STYXL2: variants seen among roughly 807,000 people sequenced by gnomAD.
STYXL2 encodes the protein serine/threonine/tyrosine interacting like 2.
In STYXL2, 44 loss-of-function variants were observed where a neutral mutation model predicts 52.4. That is an observed-to-expected ratio of 0.84 (90% CI 0.66 to 1.08). The LOEUF is 1.08. Ranked by LOEUF, STYXL2 falls within the 50% of genes least tolerant of loss-of-function variation. STYXL2 has a pLI of 0.00. For missense variants in STYXL2, 1,604 were observed against 1,471.7 expected (o/e 1.09, Z -1.47); for synonymous variants, 604 against 586.9 (o/e 1.03, Z -0.42).
chr1:167,112,894 G>A (rs1667647419), intron 2 of STYXL2, among the ~76,000 whole-genome samples: 2 of 152,082 alleles, frequency 1.3e-5, no homozygotes, highest in South Asian at 4.1e-4. Context: ...AAAAGAAAAT[G>A]ACCCAAAGCT....
At position 167,126,736 on chromosome 1, in the gene STYXL2, C is replaced by A. The variant is rs755946684; in HGVS notation, c.1605C>A (p.Ser535Arg). Residue 535 changes from serine to arginine, a missense_variant, in exon 6 of 6, where the codon AGC (serine) becomes AGA (arginine). Ser to Arg is a moderately radical substitution (Grantham distance 110). Coordinates refer to ENST00000361200, the MANE Select transcript of STYXL2 (RefSeq NM_001080426.3). ...SEASSFYNFCSRNKDKLTALE... is the reference protein window; with the variant it reads ...SEASSFYNFCRRNKDKLTALE... Reference sequence around the variant, plus strand: ...CCAGTTCCTTCTACAACTTCTGCAGCAGGAACAAGGACAAGCTCACTGCCC... The same window carrying A: ...CCAGTTCCTTCTACAACTTCTGCAGAAGGAACAAGGACAAGCTCACTGCCC... The A allele has an allele frequency of 6.2e-7, 1 of 1,614,160 alleles. No homozygotes were observed. The highest frequency in any genetic ancestry group is 8.5e-7 in the Non-Finnish European group (1 of 1,180,048).
chr1:167,105,969 C>T (rs1030425565), intron 2 of STYXL2, among the ~76,000 whole-genome samples: 2 of 152,178 alleles, frequency 1.3e-5, no homozygotes, highest in Non-Finnish European at 2.9e-5. Context: ...AGGCTCTTCA[C>T]GTATGATTTC....
At position 167,127,733 on chromosome 1, in the gene STYXL2, C is replaced by T. The variant is rs753485339; in HGVS notation, c.2602C>T (p.Leu868Phe). ...GGCCTCAGACAACAAACGCAGCTCC[C>T]TCTTCAAGAAGAAGAAGGTCAAGGA... Reference protein sequence around the residue: ...KLASDNKRSSLFKKKKVKEDE... With the variant: ...KLASDNKRSSFFKKKKVKEDE... The change falls in exon 6 of 6, where the codon CTC becomes TTC. Residue 868 changes from leucine (L) to phenylalanine (F), a missense_variant. Leu to Phe is a conservative substitution (Grantham distance 22, BLOSUM62 0). Transcript: ENST00000361200. 6.2e-7 allele frequency: 1 copy of T among 1,613,950 alleles called. No homozygotes were observed. The highest frequency in any genetic ancestry group is 1.7e-5 in the Admixed American group (1 of 59,996).
chr1:167,112,193 A>C (rs899163149), intron 2 of STYXL2, among the ~76,000 whole-genome samples: 1 of 152,214 alleles, frequency 6.6e-6, no homozygotes, highest in Non-Finnish European at 1.5e-5. Flanking sequence ...CACAACTGCT[A>C]TCAGAAAACT....
intron 4 of STYXL2, among the ~76,000 whole-genome samples, chr1:167,117,985 G>A (rs879488565): frequency 2.6e-5 from 4 of 152,230 alleles, no homozygotes; most frequent in Non-Finnish European, 4.4e-5. Context: ...TAGATTACAA[G>A]AGAAGACATG....
chr1:167,118,088 C>A (rs1263737997), intron 4 of STYXL2, among the ~76,000 whole-genome samples: 5 of 152,144 alleles, frequency 3.3e-5, no homozygotes, highest in Non-Finnish European at 7.4e-5. Context: ...AAAATGTGAA[C>A]AATGTTTCTC....
At position 167,126,145 on chromosome 1, in the gene STYXL2, C is replaced by T. The variant is rs1667958548; in HGVS notation, c.1014C>T (p.Pro338=). The stretch of plus-strand genomic sequence containing the variant: ...GGAAGGCCACCCAGGCCTCCAAGCC[C>T]CTCACCCTCATAGACGAGGAGGAGG... ...SLGKATQASK[P]LTLIDEEEEE... is the part of the protein sequence containing the mutation. Residue 338 remains proline (P), a synonymous_variant, in exon 6 of 6, where the codon CCC becomes CCT. Coordinates refer to ENST00000361200, the MANE Select transcript of STYXL2 (RefSeq NM_001080426.3). 2 of 1,512,918 alleles carry T rather than the reference C, an allele frequency of 1.3e-6. No individual in the cohort carries two copies. Among genetic ancestry groups the T allele is most frequent in the East Asian group, 2.3e-5 (1 of 43,738 alleles). 93.7% of individuals were successfully genotyped at this position (1,512,918 alleles called of 1,614,324 possible).
At chr1:167,106,231 C>A (rs897234601) in intron 2 of STYXL2, among the ~76,000 whole-genome samples, 2 of 152,158 alleles carry the variant, frequency 1.3e-5, no homozygotes, top group African/African-American at 4.8e-5. Context: ...AGGCCAGGAT[C>A]CTGGCAGTCC....
rs142011361 is a variant in STYXL2, at chr1:167,118,534, A to G, written c.438-715A>G. 1.6e-3 allele frequency among the ~76,000 whole-genome samples: 240 copies of G among 152,358 alleles called. 6 individuals are homozygous for G. The East Asian group carries it at 0.028, about 18-fold the overall frequency. On this transcript the variant is annotated intron_variant, in intron 4 of 5. Coordinates refer to ENST00000361200, the MANE Select transcript of STYXL2 (RefSeq NM_001080426.3). Reference sequence around the variant, plus strand: ...GATCTTTAAATAGATCTTCAGATACAGAAGCATTCATCTTACGGTCACTAA... The same window carrying G: ...GATCTTTAAATAGATCTTCAGATACGGAAGCATTCATCTTACGGTCACTAA...
chr1:167,101,320 C>T (rs534159115), intron 2 of STYXL2, among the ~76,000 whole-genome samples: 15 of 152,260 alleles, frequency 9.9e-5, no homozygotes, highest in African/African-American at 3.6e-4. Context: ...AAAAGATTGA[C>T]GATACCAAAT....
At chr1:167,122,467 C>T (rs1346504752) in intron 5 of STYXL2, among the ~76,000 whole-genome samples, 1 of 152,054 alleles carries the variant, frequency 6.6e-6, no homozygotes, top group Non-Finnish European at 1.5e-5. Flanking sequence ...GTTCCATCAG[C>T]AGTGGCAAGT....
chr1:167,120,035 TC>T (rs1389531945), intron 5 of STYXL2, among the ~76,000 whole-genome samples: 1 of 152,142 alleles, frequency 6.6e-6, no homozygotes, highest in Non-Finnish European at 1.5e-5. Flanking sequence ...TGGCAGAGGT[TC>T]CCCATCAAAC....
rs114145401 is a variant in STYXL2, at chr1:167,123,597, A to G, written c.656-2190A>G. Among the ~76,000 whole-genome samples the G allele has an allele frequency of 9.7e-3, 1,479 of 152,272 alleles. 28 individuals are homozygous for G. Among genetic ancestry groups the G allele is most frequent in the African/African-American group, 0.033 (1,386 of 41,550 alleles). ...AGAAAAAAGACAAGTGCTTCTATAGATGCTCCTTATAAGGCTTTTACTTGT... is the reference window on the plus strand; with the variant it reads ...AGAAAAAAGACAAGTGCTTCTATAGGTGCTCCTTATAAGGCTTTTACTTGT... On this transcript the variant is annotated intron_variant, in intron 5 of 5. Coordinates refer to ENST00000361200, the MANE Select transcript of STYXL2 (RefSeq NM_001080426.3).
At chr1:167,106,412 C>T (rs750893709) in intron 2 of STYXL2, among the ~76,000 whole-genome samples, 1 of 152,168 alleles carries the variant, frequency 6.6e-6, no homozygotes, top group Admixed American at 6.5e-5. Flanking sequence ...AAATGTGGTG[C>T]TGTGCAAGGA....
chr1:167,113,677 G>A lies in STYXL2; in HGVS notation c.111-33G>A, dbSNP rs1203269371. On this transcript the variant is annotated intron_variant, in intron 2 of 5. Transcript: ENST00000361200. The stretch of plus-strand genomic sequence containing the variant: ...GAATGCCTTCAGTTCAGATGCTACA[G>A]GCTTATCTCACGTGAATATCCTCTT... The A allele has an allele frequency of 4.6e-6, 7 of 1,517,874 alleles. No homozygotes were observed. The East Asian group carries it at 1.1e-4, about 24-fold the overall frequency. The allele number at this position is 1,517,874 out of a possible 1,614,324, so 94.0% of individuals were successfully genotyped here.
intron 2 of STYXL2, among the ~76,000 whole-genome samples, chr1:167,112,502 T>G (rs185344815): frequency 1.2e-4 from 19 of 152,320 alleles, no homozygotes; most frequent in Middle Eastern, 3.4e-3. Flanking sequence ...ATTCATCTGA[T>G]GCATGCATCT....
At position 167,128,670 on chromosome 1, in the gene STYXL2, A is replaced by G. The variant is rs1013969912; in HGVS notation, c.*62A>G. On this transcript the variant is annotated 3_prime_UTR_variant, in exon 6 of 6. Transcript: ENST00000361200. ...CACGTTAGCATAGGGCTCAGGGCAC[A>G]CGTTGCCACCACTCATCGCAGGATG... The G allele has an allele frequency of 6.6e-7, 1 of 1,523,832 alleles. No individual in the cohort carries two copies. The highest frequency in any genetic ancestry group is 1.4e-5 in the African/African-American group (1 of 72,374). The allele number at this position is 1,523,832 out of a possible 1,614,324, so 94.4% of individuals were successfully genotyped here.
At chr1:167,094,987 A>C in intron 2 of STYXL2, 28 bp downstream of exon 2, 5 of 1,529,658 alleles carry the variant, frequency 3.3e-6, no homozygotes, top group Non-Finnish European at 4.5e-6. Context: ...TCCCACCCTC[A>C]CAGCCCCAGC....
chr1:167,105,393 G>T (rs1258222478), intron 2 of STYXL2, among the ~76,000 whole-genome samples: 1 of 152,156 alleles, frequency 6.6e-6, no homozygotes, highest in Non-Finnish European at 1.5e-5. Flanking sequence ...CTGATCCTAT[G>T]ATGAGGTATG....
Sources: gnomAD v4.1 joint callset for allele counts (sites outside exome capture counted in the v4.1 genomes callset) on GRCh38, gnomAD v4.1.1 for gene constraint, MANE v1.5 for transcripts, NCBI Gene and HGNC (gene_info 2026-07-23, HGNC 2026-07-21) for gene names.